The following ANK1 variants were observed in gnomAD, a reference collection of about 807,000 sequenced individuals.
The protein encoded by ANK1 is ankyrin-1.
ANK1 carries 51 observed loss-of-function variants against 210.4 expected under a neutral mutation model. The observed-to-expected ratio is 0.24, with a 90% CI of 0.19 to 0.31. ANK1 has a LOEUF of 0.31. ANK1 is among the 10% of genes least tolerant of loss of function. The probability of loss-of-function intolerance (pLI) is 1.00; values close to 1 mark genes in which losing one functional copy is unlikely to be tolerated. For missense variants in ANK1, 2,051 were observed against 2,504.4 expected, an observed-to-expected ratio of 0.82 and a Z score of 3.86; for synonymous variants, 967 against 1,025.9, an observed-to-expected ratio of 0.94 and a Z score of 1.10.
At chr8:41,696,954 C>T (rs928169754) in intron 24 of ANK1, among the ~76,000 whole-genome samples, 181 bp from the exon 25 acceptor site, 1 of 152,190 alleles carries the variant, frequency 6.6e-6, no homozygotes, top group East Asian at 1.9e-4. Flanking sequence ...AAAGGAAGCA[C>T]GAGCTTCCTC....
At chr8:41,688,417 C>T (rs1344721445) in intron 34 of ANK1, 94 bp downstream of exon 34, 6 of 1,515,930 alleles carry the variant, frequency 4.0e-6, no homozygotes, top group African/African-American at 1.4e-5. Flanking sequence ...CGAGCGGCAC[C>T]TCAGCAGAAC....
intron 1 of ANK1, among the ~76,000 whole-genome samples, chr8:41,773,758 C>T (rs1474641265): frequency 2.0e-5 from 3 of 152,098 alleles, no homozygotes; most frequent in Non-Finnish European, 2.9e-5. Context: ...AGCCCACAGC[C>T]GAGAATCTAC....
intron 1 of ANK1, among the ~76,000 whole-genome samples, chr8:41,769,266 C>T (rs749349542): frequency 5.3e-5 from 8 of 152,238 alleles, no homozygotes; most frequent in Non-Finnish European, 1.0e-4. Flanking sequence ...TCGAAGGCAG[C>T]AGCCTGTCTG....
intron 13 of ANK1, 113 bp from the exon 14 acceptor site, chr8:41,715,962 G>T (rs1827560568): frequency 8.2e-7 from 1 of 1,225,116 alleles, no homozygotes; most frequent in Non-Finnish European, 1.2e-6. Context: ...CCTTCTCAAG[G>T]TCACACAGCT....
chr8:41,804,993 C>T lies in ANK1; in HGVS notation c.127-46856G>A, dbSNP rs1850703894. Among the ~76,000 whole-genome samples, 4 of 152,020 alleles carry T rather than the reference C, an allele frequency of 2.6e-5. No homozygotes were observed. In the South Asian group the frequency reaches 8.3e-4, roughly 32 times the overall value. ...AGAATAGTGTTGAATGGAACTCAAA[C>T]TTTTTTATCTCGGGACCCTTTTACA... On this transcript the variant is annotated intron_variant, in intron 1 of 42. Coordinates refer to the ANK1 transcript ENST00000265709.
At chr8:41,857,542 C>T (rs529756700) in intron 1 of ANK1, among the ~76,000 whole-genome samples, 1 of 151,812 alleles carries the variant, frequency 6.6e-6, no homozygotes, top group African/African-American at 2.4e-5. Context: ...AGTTCGAGAC[C>T]AGCCTGACCA....
At position 41,854,389 on chromosome 8, in the gene ANK1, C is replaced by T. The variant is rs115303726; in HGVS notation, c.126+41966G>A. On this transcript the variant is annotated intron_variant, in intron 1 of 42. Coordinates refer to the ANK1 transcript ENST00000265709. Reference sequence around the variant, plus strand: ...CAATCCCATCAAGCCAATCAAGGAGCCAAATAATTCCAGCGGAACCCTCTA... The same window carrying T: ...CAATCCCATCAAGCCAATCAAGGAGTCAAATAATTCCAGCGGAACCCTCTA... 3.7e-3 allele frequency among the ~76,000 whole-genome samples: 570 copies of T among 152,272 alleles called. 4 individuals carry two copies. The highest frequency in any genetic ancestry group is 0.013 in the African/African-American group (544 of 41,542).
chr8:41,655,845 C>A, intron 42 of ANK1, 92 bp from the exon 43 acceptor site: 1 of 1,420,038 alleles, frequency 7.0e-7, no homozygotes, highest in South Asian at 1.2e-5. Context: ...GCTGGCAGCT[C>A]AGGCCGAATC....
chr8:41,659,528 C>T (rs1438696205), intron 42 of ANK1, among the ~76,000 whole-genome samples: 1 of 152,184 alleles, frequency 6.6e-6, no homozygotes, highest in Non-Finnish European at 1.5e-5. Flanking sequence ...ACTGTACATG[C>T]TTGTCGGGGA....
intron 1 of ANK1, among the ~76,000 whole-genome samples, chr8:41,886,335 A>G (rs1818435836): frequency 6.6e-6 from 1 of 152,194 alleles, no homozygotes; most frequent in Non-Finnish European, 1.5e-5. Flanking sequence ...ACAGCCCTGC[A>G]TGGCTGTGGG....
At chr8:41,840,181 C>A (rs1808603362) in intron 1 of ANK1, 1 of 152,192 alleles carries the variant, frequency 6.6e-6, no homozygotes, top group African/African-American at 2.4e-5. Context: ...TTGGTTCACC[C>A]CTCTTTAGGC....
chr8:41,892,261 T>G (rs966051738), intron 1 of ANK1, among the ~76,000 whole-genome samples: 1 of 150,554 alleles, frequency 6.6e-6, no homozygotes, highest in Non-Finnish European at 1.5e-5. Context: ...ATCTCCCCTG[T>G]GATTCCAATC....
intron 1 of ANK1, among the ~76,000 whole-genome samples, chr8:41,847,985 G>C (rs1348167463): frequency 6.6e-6 from 1 of 152,098 alleles, no homozygotes; most frequent in Non-Finnish European, 1.5e-5. Context: ...AGGAGTTTGA[G>C]ACCAGCCTGG....
intron 1 of ANK1, among the ~76,000 whole-genome samples, chr8:41,841,791 CT>C (rs1355708065): frequency 6.6e-6 from 1 of 152,226 alleles, no homozygotes; most frequent in Non-Finnish European, 1.5e-5. Context: ...ACGGCTGCCC[CT>C]CTCTCTATTT....
intron 1 of ANK1, among the ~76,000 whole-genome samples, chr8:41,764,985 T>C (rs531471319): frequency 4.7e-4 from 72 of 152,328 alleles, no homozygotes; most frequent in African/African-American, 1.7e-3. Flanking sequence ...ATATGTAGCA[T>C]GGCCAGGATT....
intron 1 of ANK1, among the ~76,000 whole-genome samples, chr8:41,759,352 A>T (rs1003260141): frequency 6.6e-6 from 1 of 152,142 alleles, no homozygotes; most frequent in Non-Finnish European, 1.5e-5. Context: ...CTAAAAATAC[A>T]AAAATTAGCT....
intron 38 of ANK1, among the ~76,000 whole-genome samples, chr8:41,672,083 C>T (rs780843476): frequency 1.4e-4 from 22 of 152,104 alleles, no homozygotes; most frequent in Middle Eastern, 3.4e-3. Context: ...GCCCTCCCGG[C>T]GCCCATATGT....
At chr8:41,753,290 A>G (rs1838251034) in intron 2 of ANK1, among the ~76,000 whole-genome samples, 1 of 151,918 alleles carries the variant, frequency 6.6e-6, no homozygotes, top group Admixed American at 6.6e-5. Context: ...GGTCTCGAAC[A>G]CTTGACCTCA....
intron 31 of ANK1, 56 bp from the exon 32 acceptor site, chr8:41,690,655 C>T (rs1819027892): frequency 5.0e-6 from 8 of 1,589,484 alleles, no homozygotes; most frequent in Non-Finnish European, 6.8e-6. Flanking sequence ...CCCAGATGTC[C>T]CTCCTTCCAC....
Sources: allele counts gnomAD v4.1 joint callset (sites outside exome capture counted in the v4.1 genomes callset), GRCh38; gene constraint gnomAD v4.1.1; transcripts MANE v1.5; gene names NCBI Gene and HGNC (gene_info 2026-07-23, HGNC 2026-07-21).